NF1: variants seen among roughly 807,000 people sequenced by gnomAD.
The protein encoded by NF1 is neurofibromin.
NF1 carries 122 observed loss-of-function variants against 325.7 expected under a neutral mutation model. That is an observed-to-expected ratio of 0.37 (90% confidence interval 0.32 to 0.44). NF1 has a LOEUF of 0.44. Among genes scored for constraint, NF1 ranks in the 20% least tolerant of loss-of-function variants. The probability of loss-of-function intolerance (pLI) is 1.00; values close to 1 mark genes in which losing one functional copy is unlikely to be tolerated. For synonymous variants in NF1, 1,091 were observed against 1,186.0 expected (o/e 0.92, Z 1.65); for missense variants, 2,140 against 3,415.4 (o/e 0.63, Z 9.31).
intron 18 of NF1, 54 bp downstream of exon 18, chr17:31,226,738 C>A: frequency 6.2e-7 from 1 of 1,608,610 alleles, no homozygotes; most frequent in East Asian, 2.2e-5. Context: ...CACATGGCAT[C>A]TGATTTTGAG....
intron 36 of NF1, among the ~76,000 whole-genome samples, chr17:31,284,269 T>TTTTTG (rs1302624198): frequency 2.0e-5 from 3 of 151,764 alleles, no homozygotes; most frequent in Admixed American, 6.6e-5. Context: ...ACCTGGCTAA[T>TTTTTG]TTTTGTTTTG....
rs17878897 is a variant in NF1, at chr17:31,190,904, A to G, written c.888+8239A>G. On this transcript the variant is annotated intron_variant, in intron 8 of 57. Transcript: ENST00000358273. ...ATAAGGTGAGATAGTATCTCATCTC[A>G]GGTATTCTTACCTTCTCTTTCAGAG... Among the ~76,000 whole-genome samples the G allele has an allele frequency of 5.3e-3, 812 of 152,318 alleles. 9 individuals are homozygous for G. Among genetic ancestry groups the G allele is most frequent in the South Asian group, 0.024 (114 of 4,828 alleles).
intron 36 of NF1, among the ~76,000 whole-genome samples, chr17:31,267,839 A>G (rs1322551475): frequency 6.6e-6 from 1 of 152,142 alleles, no homozygotes; most frequent in Admixed American, 6.6e-5. Flanking sequence ...TTCCCCATCT[A>G]GAGACCCTAA....
At chr17:31,260,624 A>C in intron 34 of NF1, 109 bp downstream of exon 34, 1 of 1,291,322 alleles carries the variant, frequency 7.7e-7, no homozygotes, top group South Asian at 1.2e-5. Flanking sequence ...TTGGACTAAG[A>C]ATTATGGTTT....
Position 31,095,236 on chromosome 17 carries a change from C to G in NF1, c.-74C>G. 1.4e-6 allele frequency: 2 copies of G among 1,422,574 alleles called. No individual in the cohort carries two copies. The highest frequency in any genetic ancestry group is 1.9e-6 in the Non-Finnish European group (2 of 1,045,212). The allele number at this position is 1,422,574 out of a possible 1,614,324, so 88.1% of individuals were successfully genotyped here. On this transcript the variant is annotated 5_prime_UTR_variant, in exon 1 of 58. Coordinates refer to ENST00000358273, the MANE Select transcript of NF1 (RefSeq NM_001042492.3). ...TTGCCTCTTCCCTCACCTCAGCCTCCGCTCCCCGCCCTCTTCCCGGCCCAG... is the reference window on the plus strand; with the variant it reads ...TTGCCTCTTCCCTCACCTCAGCCTCGGCTCCCCGCCCTCTTCCCGGCCCAG...
chr17:31,153,246 TTAAA>T (rs1314654737), intron 1 of NF1, among the ~76,000 whole-genome samples: 2 of 152,236 alleles, frequency 1.3e-5, no homozygotes, highest in African/African-American at 2.4e-5. Context: ...TAATAATAAC[TTAAA>T]TAAACTTTAA....
chr17:31,112,733 GTCTT>G (rs1913527547), intron 1 of NF1, among the ~76,000 whole-genome samples: 2 of 152,026 alleles, frequency 1.3e-5, no homozygotes, highest in Admixed American at 1.3e-4. Flanking sequence ...TGTTCTCAAA[GTCTT>G]TCAAAAGCAG....
chr17:31,278,622 T>A (rs146705619), intron 36 of NF1, among the ~76,000 whole-genome samples: 3,312 of 149,988 alleles, frequency 0.022, 99 homozygotes, highest in African/African-American at 0.068. Flanking sequence ...TTTTATTATT[T>A]TTTTTTTTTG....
intron 8 of NF1, among the ~76,000 whole-genome samples, chr17:31,191,991 G>C (rs140057633): frequency 6.6e-6 from 1 of 152,068 alleles, no homozygotes; most frequent in Non-Finnish European, 1.5e-5. Flanking sequence ...GGAACTTTTT[G>C]TATATTCAGA....
Position 31,252,120 on chromosome 17 carries a change from CTT to C in NF1, c.4111-800_4111-799del, listed in dbSNP as rs1193012915. ...GGAGTTTTGGGGGTTTTTTAGGTGG[CTT>C]TTTTTTTTTTTTTTTTTAAGATATT... On this transcript the variant is annotated intron_variant, in intron 30 of 57. Transcript: ENST00000358273. The C allele has an allele frequency of 6.7e-3, 942 of 141,352 alleles. 1 individual carries two copies. The highest frequency in any genetic ancestry group is 0.029 in the Middle Eastern group (10 of 348). The allele number at this position is 141,352 out of a possible 1,614,324, so 8.8% of individuals were successfully genotyped here.
chr17:31,134,838 A>G (rs1310438353), intron 1 of NF1, among the ~76,000 whole-genome samples: 1 of 152,186 alleles, frequency 6.6e-6, no homozygotes, highest in African/African-American at 2.4e-5. Context: ...CAAAAGCCAC[A>G]TTCTTTCATG....
intron 1 of NF1, among the ~76,000 whole-genome samples, chr17:31,143,696 G>A (rs1352986496): frequency 6.6e-6 from 1 of 152,122 alleles, no homozygotes; most frequent in East Asian, 1.9e-4. Flanking sequence ...AAATTTGTGT[G>A]TGAATATGAA....
intron 8 of NF1, among the ~76,000 whole-genome samples, chr17:31,196,263 A>T (rs1468509710): frequency 1.3e-5 from 2 of 150,772 alleles, no homozygotes; most frequent in African/African-American, 2.4e-5. Context: ...TAGCATTTAA[A>T]TTTTTCTGTT....
chr17:31,249,173 A>G (rs2067452451), intron 30 of NF1, 54 bp downstream of exon 30: 2 of 1,586,468 alleles, frequency 1.3e-6, no homozygotes, highest in Admixed American at 3.3e-5. Context: ...ATTATGAAGA[A>G]TGCTTTATCA....
chr17:31,180,787 G>A (rs1268098897), intron 5 of NF1, among the ~76,000 whole-genome samples: 2 of 152,184 alleles, frequency 1.3e-5, no homozygotes, highest in East Asian at 3.8e-4. Flanking sequence ...ATTCGGTTAG[G>A]AAAAGAGAAA....
In NF1 at chr17:31,304,521, T is replaced by TA; in HGVS notation, c.4836-21298dup. The TA allele has an allele frequency of 1.9e-6, 3 of 1,614,212 alleles. No individual in the cohort carries two copies. The South Asian group carries it at 3.3e-5, about 18-fold the overall frequency. ...TAGTAGAATCATTTGGAAGAGGAGA[T>TA]ACAATTGTCATTGTGGGTTTGTCAG... On this transcript the variant is annotated intron_variant, in intron 36 of 57. Transcript: ENST00000358273.
chr17:31,312,573 G>A (rs1413297033), intron 36 of NF1, among the ~76,000 whole-genome samples: 2 of 150,554 alleles, frequency 1.3e-5, no homozygotes, highest in African/African-American at 4.9e-5. Context: ...CATAAGGATC[G>A]ATGGGAAATT....
chr17:31,218,889 TATCACCCCTAAA>T (rs1282519482), intron 13 of NF1, 104 bp from the exon 14 acceptor site: 8 of 1,064,568 alleles, frequency 7.5e-6, no homozygotes, highest in Non-Finnish European at 1.1e-5. Context: ...AGAACATTGT[TATCACCCCTAAA>T]AGAAACTTGG....
intron 1 of NF1, among the ~76,000 whole-genome samples, chr17:31,111,186 T>A (rs1448718888): frequency 1.4e-5 from 2 of 147,210 alleles, no homozygotes; most frequent in Admixed American, 6.9e-5. Context: ...TGTGGACAGA[T>A]CAATAGAAAA....
Sources: gnomAD v4.1 joint callset for allele counts (sites outside exome capture counted in the v4.1 genomes callset) on GRCh38, gnomAD v4.1.1 for gene constraint, MANE v1.5 for transcripts, NCBI Gene and HGNC (gene_info 2026-07-23, HGNC 2026-07-21) for gene names.